Variants in TMEM232 observed in about 807,000 individuals in gnomAD.
TMEM232 encodes the protein transmembrane protein 232.
In TMEM232, 80 loss-of-function variants were observed where a neutral mutation model predicts 78.8. The observed-to-expected ratio is 1.01, with a 90% CI of 0.85 to 1.22. TMEM232 has a LOEUF of 1.22. Ranked by LOEUF, TMEM232 falls within the 50% of genes most tolerant of loss-of-function variation. TMEM232 has a pLI of 0.00. For missense variants in TMEM232, 881 were observed against 742.2 expected, an observed-to-expected ratio of 1.19 and a Z score of -2.17; for synonymous variants, 297 against 254.3, an observed-to-expected ratio of 1.17 and a Z score of -1.60.
Position 110,391,326 on chromosome 5 carries a change from T to TGTGA in TMEM232, n.391-687_391-686insTCAC, listed in dbSNP as rs549361387. On this transcript the variant is annotated intron_variant and non_coding_transcript_variant, in intron 3 of 8. Transcript: ENST00000507188. ...GTGTGTGTGTGTGTGTGTGTGTGTG[T>TGTGA]GAGAGAGAGAGAGAGAGAGAGAAAC... Among the ~76,000 whole-genome samples, 1,078 of 139,832 alleles carry TGTGA rather than the reference T, an allele frequency of 7.7e-3. 9 individuals carry two copies. Among genetic ancestry groups the TGTGA allele is most frequent in the East Asian group, 0.027 (123 of 4,616 alleles). The allele number at this position is 139,832 out of a possible 152,430, so 91.7% of individuals were successfully genotyped here.
chr5:110,443,350 C>A (rs908978131), intron 12 of TMEM232, among the ~76,000 whole-genome samples: 3 of 152,128 alleles, frequency 2.0e-5, no homozygotes, highest in African/African-American at 7.2e-5. Flanking sequence ...GGAGCCTCTC[C>A]TTGTGGCCAC....
chr5:110,408,278 T>C (rs1755867962), intron 2 of TMEM232, among the ~76,000 whole-genome samples: 1 of 151,860 alleles, frequency 6.6e-6, no homozygotes, highest in Non-Finnish European at 1.5e-5. Flanking sequence ...AGAGCAGAAA[T>C]AAATGAAACT....
intron 8 of TMEM232, chr5:110,610,700 G>C (rs1265871563): frequency 5.6e-6 from 2 of 356,004 alleles, no homozygotes; most frequent in Non-Finnish European, 1.1e-5. Context: ...ATAAAAACAA[G>C]AGGACTGACG....
At chr5:110,576,908 G>GT (rs1777634418) in intron 10 of TMEM232, among the ~76,000 whole-genome samples, 1 of 151,948 alleles carries the variant, frequency 6.6e-6, no homozygotes, top group Non-Finnish European at 1.5e-5. Context: ...AAACTTAACT[G>GT]TAAGACCCAA....
At chr5:110,583,736 T>C (rs903017165) in intron 10 of TMEM232, among the ~76,000 whole-genome samples, 5 of 151,758 alleles carry the variant, frequency 3.3e-5, no homozygotes, top group Non-Finnish European at 7.4e-5. Flanking sequence ...CAGACATCTA[T>C]ATGTTGAAAC....
rs116640929 is a variant in TMEM232, at chr5:110,661,177, T to C, written c.125+6051A>G. Among the ~76,000 whole-genome samples the C allele has an allele frequency of 2.6e-3, 391 of 152,364 alleles. 2 individuals are homozygous for C. Among genetic ancestry groups the C allele is most frequent in the African/African-American group, 9.1e-3 (378 of 41,598 alleles). ...CAAGTGACAGAATTTGATTCTTTTA[T>C]GGTTTAATAATATTCCATTGTGTAT... On this transcript the variant is annotated intron_variant, in intron 2 of 13. Coordinates refer to ENST00000455884, the MANE Select transcript of TMEM232 (RefSeq NM_001039763.4).
chr5:110,500,084 G>A (rs1766079704), intron 12 of TMEM232, among the ~76,000 whole-genome samples: 1 of 152,010 alleles, frequency 6.6e-6, no homozygotes, highest in South Asian at 2.1e-4. Context: ...CTAAGGTCAG[G>A]AGTTCAAGAC....
At chr5:110,640,453 T>C (rs1240364554) in intron 4 of TMEM232, among the ~76,000 whole-genome samples, 2 of 152,038 alleles carry the variant, frequency 1.3e-5, no homozygotes, top group South Asian at 2.1e-4. Flanking sequence ...GAGGCATAAA[T>C]GAGGAGTGAT....
At chr5:110,620,908 G>T in intron 7 of TMEM232, among the ~76,000 whole-genome samples, 1 of 136,778 alleles carries the variant, frequency 7.3e-6, no homozygotes, top group African/African-American at 2.9e-5. Context: ...TGTTACCCAG[G>T]CTGGAGTGTG....
chr5:110,662,971 T>C (rs931948120), intron 2 of TMEM232, among the ~76,000 whole-genome samples: 1 of 152,138 alleles, frequency 6.6e-6, no homozygotes, highest in African/African-American at 2.4e-5. Flanking sequence ...TTGATATATC[T>C]GACTTTATAA....
At chr5:110,723,632 C>T (rs1797875875) in intron 1 of TMEM232, among the ~76,000 whole-genome samples, 1 of 152,138 alleles carries the variant, frequency 6.6e-6, no homozygotes, top group African/African-American at 2.4e-5. Flanking sequence ...ATCTATACTC[C>T]TAGGGACTGC....
At chr5:110,429,785 T>C (rs1378215034) in intron 12 of TMEM232, 4 of 151,768 alleles carry the variant, frequency 2.6e-5, no homozygotes, top group Non-Finnish European at 5.9e-5. Context: ...CTTTTCTCAG[T>C]ATATTTAGTC....
intron 2 of TMEM232, among the ~76,000 whole-genome samples, chr5:110,650,978 A>G (rs187599042): frequency 6.6e-6 from 1 of 152,172 alleles, no homozygotes; most frequent in Admixed American, 6.6e-5. Flanking sequence ...GTATTTTACA[A>G]AAATAAATGT....
chr5:110,495,130 T>C (rs1158656953), intron 12 of TMEM232, among the ~76,000 whole-genome samples: 1 of 150,922 alleles, frequency 6.6e-6, no homozygotes, highest in Non-Finnish European at 1.5e-5. Context: ...ATATTAAATA[T>C]TATATAAAAT....
chr5:110,603,518 C>G (rs1781205812), intron 10 of TMEM232, among the ~76,000 whole-genome samples: 1 of 151,976 alleles, frequency 6.6e-6, no homozygotes, highest in Non-Finnish European at 1.5e-5. Context: ...ACCTACATAG[C>G]CAGACAAGAA....
chr5:110,450,997 TG>T (rs34776647), intron 12 of TMEM232, among the ~76,000 whole-genome samples: 4,350 of 152,224 alleles, frequency 0.029, 113 homozygotes, highest in Admixed American at 0.066. Flanking sequence ...GGAAAGATCC[TG>T]GGTCACTAAG....
In TMEM232 at chr5:110,523,845, C is replaced by T. The variant is rs1359545078; in HGVS notation, c.1703+4743G>A. 3.3e-5 allele frequency among the ~76,000 whole-genome samples: 5 copies of T among 151,382 alleles called. No individual in the cohort carries two copies. The East Asian group carries it at 9.7e-4, about 29-fold the overall frequency. ...GTGTAGTGTCATGCACCTGTGGTCC[C>T]AGCTACTCAGGAGGTTGAGGTGGGA... On this transcript the variant is annotated intron_variant, in intron 12 of 13. Transcript: ENST00000455884.
At chr5:110,689,378 T>TAC (rs1793815587) in intron 1 of TMEM232, among the ~76,000 whole-genome samples, 1 of 151,870 alleles carries the variant, frequency 6.6e-6, no homozygotes, top group African/African-American at 2.4e-5. Flanking sequence ...AACTTTATAG[T>TAC]ACTAAATTTA....
intron 12 of TMEM232, among the ~76,000 whole-genome samples, chr5:110,515,596 C>G (rs184728846): frequency 2.7e-4 from 41 of 152,334 alleles, no homozygotes; most frequent in East Asian, 1.9e-3. Context: ...CACCCCTAAT[C>G]AATGGGATAA....
Sources: allele counts gnomAD v4.1 joint callset (sites outside exome capture counted in the v4.1 genomes callset), GRCh38; gene constraint gnomAD v4.1.1; transcripts MANE v1.5; gene names NCBI Gene and HGNC (gene_info 2026-07-23, HGNC 2026-07-21).